The following ZEB2 variants were observed in gnomAD, a reference collection of about 807,000 sequenced individuals.
ZEB2 encodes zinc finger E-box-binding homeobox 2.
Under a neutral mutation model 99.9 loss-of-function variants are expected in ZEB2, and 6 were observed. The ratio of observed to expected loss-of-function variants is 0.06; its 90% CI spans 0.03 to 0.12. The LOEUF (loss-of-function observed/expected upper bound fraction) is 0.12. Among genes scored for constraint, ZEB2 ranks in the 10% least tolerant of loss-of-function variants. The pLI, the probability that ZEB2 is intolerant of heterozygous loss-of-function variation, is 1.00. For synonymous variants in ZEB2, 517 were observed against 542.5 expected (o/e 0.95, Z 0.65); for missense variants, 969 against 1,502.8 (o/e 0.64, Z 5.87).
At chr2:144,467,263 A>G (rs1704285182) in intron 2 of ZEB2, among the ~76,000 whole-genome samples, 1 of 152,142 alleles carries the variant, frequency 6.6e-6, no homozygotes, top group Non-Finnish European at 1.5e-5. Context: ...TTTCCTCTTA[A>G]AGAAGGTAAA....
chr2:144,397,891 T>C (rs1429626735), intron 8 of ZEB2: 3 of 329,624 alleles, frequency 9.1e-6, no homozygotes, highest in Non-Finnish European at 1.7e-5. Context: ...TCCACCCTCG[T>C]TGGCCTCCCA....
intron 3 of ZEB2, among the ~76,000 whole-genome samples, chr2:144,425,344 T>G (rs1389531759): frequency 6.6e-6 from 1 of 152,202 alleles, no homozygotes; most frequent in Non-Finnish European, 1.5e-5. Context: ...GCATACTTTT[T>G]GAAAACCTAA....
chr2:144,396,733 A>G, intron 8 of ZEB2, 141 bp from the exon 9 acceptor site: 2 of 838,534 alleles, frequency 2.4e-6, no homozygotes, highest in Admixed American at 4.0e-5. Context: ...TCCATGAACA[A>G]TATATGAGGT....
chr2:144,395,437 A>T (rs1470218249), intron 9 of ZEB2, among the ~76,000 whole-genome samples: 1 of 151,622 alleles, frequency 6.6e-6, no homozygotes, highest in Non-Finnish European at 1.5e-5. Context: ...GTTTAGAATG[A>T]GTTGTTTTCC....
chr2:144,394,170 C>T (rs1312425729), intron 9 of ZEB2, among the ~76,000 whole-genome samples: 1 of 152,206 alleles, frequency 6.6e-6, no homozygotes, highest in Non-Finnish European at 1.5e-5. Flanking sequence ...ATCCACCTGC[C>T]TCTGCCTCCA....
At chr2:144,450,567 C>G (rs1437569224) in intron 2 of ZEB2, 2 of 152,180 alleles carry the variant, frequency 1.3e-5, no homozygotes, top group Admixed American at 1.3e-4. Flanking sequence ...ATTAGTACAA[C>G]AAACAAATAC....
chr2:144,449,579 G>C (rs999578419), intron 2 of ZEB2: 3 of 152,204 alleles, frequency 2.0e-5, no homozygotes, highest in African/African-American at 7.2e-5. Flanking sequence ...GACCCCGTCA[G>C]ATTCAGTGCA....
At chr2:144,454,890 C>T (rs1704100727) in intron 2 of ZEB2, among the ~76,000 whole-genome samples, 1 of 152,058 alleles carries the variant, frequency 6.6e-6, no homozygotes, top group South Asian at 2.1e-4. Flanking sequence ...CACACACACA[C>T]CCTGCACACA....
intron 2 of ZEB2, among the ~76,000 whole-genome samples, chr2:144,466,952 C>A (rs1224288802): frequency 6.6e-6 from 1 of 152,114 alleles, no homozygotes; most frequent in Non-Finnish European, 1.5e-5. Context: ...GGCCTGGGAA[C>A]GTGCTCTAAT....
intron 4 of ZEB2, among the ~76,000 whole-genome samples, chr2:144,419,921 G>T (rs972090076): frequency 1.3e-5 from 2 of 152,000 alleles, no homozygotes; most frequent in Non-Finnish European, 2.9e-5. Context: ...AAAAAAAAAT[G>T]TAGTGATACT....
intron 2 of ZEB2, among the ~76,000 whole-genome samples, chr2:144,464,655 T>C (rs1704246748): frequency 6.6e-6 from 1 of 152,214 alleles, no homozygotes; most frequent in Non-Finnish European, 1.5e-5. Context: ...ATTCATTTGG[T>C]CCACCTTGAC....
In ZEB2 at chr2:144,480,830, AGTTT is replaced by A. The variant is rs1704501031; in HGVS notation, c.73+36444_73+36447del. On this transcript the variant is annotated intron_variant, in intron 2 of 9. Coordinates refer to ENST00000627532, the MANE Select transcript of ZEB2 (RefSeq NM_014795.4). ...AAATAGGCAATGTCACTACTGTGAT[AGTTT>A]GTTTCTTTTTTTAAAGGTGATTGCA... Among the ~76,000 whole-genome samples, 3 of 151,884 alleles carry A rather than the reference AGTTT, an allele frequency of 2.0e-5. No homozygotes were observed. In the South Asian group the frequency reaches 6.2e-4, roughly 32 times the overall value.
At chr2:144,506,995 C>G (rs528089614) in intron 2 of ZEB2, among the ~76,000 whole-genome samples, 1 of 152,222 alleles carries the variant, frequency 6.6e-6, no homozygotes, top group South Asian at 2.1e-4. Flanking sequence ...ATCTACCTCT[C>G]TCACCTGAGA....
intron 4 of ZEB2, among the ~76,000 whole-genome samples, chr2:144,410,683 C>A (rs577508387): frequency 6.6e-6 from 1 of 152,114 alleles, no homozygotes; most frequent in East Asian, 1.9e-4. Context: ...TTGTAGCAAG[C>A]CTGTGTTCAC....
intron 2 of ZEB2, among the ~76,000 whole-genome samples, chr2:144,447,905 T>A (rs746034532): frequency 6.6e-6 from 1 of 152,214 alleles, no homozygotes; most frequent in Non-Finnish European, 1.5e-5. Context: ...TCCAGCTGAC[T>A]AACTTCCTAA....
intron 2 of ZEB2, among the ~76,000 whole-genome samples, chr2:144,440,790 G>A (rs1473920696): frequency 6.6e-6 from 1 of 151,636 alleles, no homozygotes; most frequent in Non-Finnish European, 1.5e-5. Context: ...TATTGGTGGT[G>A]TAAATTGCCA....
chr2:144,519,180 T>A (rs1257251864), intron 1 of ZEB2, among the ~76,000 whole-genome samples: 1 of 152,204 alleles, frequency 6.6e-6, no homozygotes, highest in Admixed American at 6.5e-5. Context: ...AATACAATTT[T>A]AAAAGTTATC....
At chr2:144,486,034 T>C (rs1704590792) in intron 2 of ZEB2, among the ~76,000 whole-genome samples, 1 of 152,248 alleles carries the variant, frequency 6.6e-6, no homozygotes, top group Non-Finnish European at 1.5e-5. Context: ...AACCTCTGCA[T>C]TTTTAAGGCT....
At chr2:144,450,126 C>G (rs941377812) in intron 2 of ZEB2, 2 of 150,150 alleles carry the variant, frequency 1.3e-5, no homozygotes, top group African/African-American at 4.9e-5. Context: ...TACAACATAG[C>G]TTAGTACTTA....
Sources: gnomAD v4.1 joint callset for allele counts (sites outside exome capture counted in the v4.1 genomes callset) on GRCh38, gnomAD v4.1.1 for gene constraint, MANE v1.5 for transcripts, NCBI Gene and HGNC (gene_info 2026-07-23, HGNC 2026-07-21) for gene names.